Variants in VPS13B observed in about 807,000 individuals in gnomAD.
VPS13B encodes the protein intermembrane lipid transfer protein VPS13B.
VPS13B carries 285 observed loss-of-function variants against 426.4 expected under a neutral mutation model. The ratio of observed to expected loss-of-function variants is 0.67; its 90% CI spans 0.61 to 0.74. The LOEUF (loss-of-function observed/expected upper bound fraction) is 0.74, where lower values mean the gene tolerates loss of function less well. Ranked by LOEUF, VPS13B falls within the 30% of genes least tolerant of loss-of-function variation. VPS13B has a pLI of 0.00. For missense variants in VPS13B, 4,537 were observed against 4,782.6 expected, an observed-to-expected ratio of 0.95 and a Z score of 1.51; for synonymous variants, 1,676 against 1,676.4, an observed-to-expected ratio of 1.00 and a Z score of 0.01.
chr8:99,784,275 AATCCG>A, intron 42 of VPS13B, 35 bp from the exon 43 acceptor site: 1 of 1,613,234 alleles, frequency 6.2e-7, no homozygotes, highest in Non-Finnish European at 8.5e-7. Flanking sequence ...TCTTACAATT[AATCCG>A]ATCCATGTTG....
At position 99,188,694 on chromosome 8, in the gene VPS13B, C is replaced by T. The variant is rs546526620; in HGVS notation, c.2334-4182C>T. Among the ~76,000 whole-genome samples, 3 of 152,216 alleles carry T rather than the reference C, an allele frequency of 2.0e-5. No homozygotes were observed. In the East Asian group the frequency reaches 5.8e-4, roughly 29 times the overall value. ...TAACTATACCTCTGTGCGTGATGTT[C>T]CAATTTCTACCTATTCAGGCCATAC... On this transcript the variant is annotated intron_variant, in intron 16 of 61. Transcript: ENST00000357162.
chr8:99,750,038 T>A (rs1050954506), intron 39 of VPS13B, among the ~76,000 whole-genome samples: 1 of 152,182 alleles, frequency 6.6e-6, no homozygotes, highest in Non-Finnish European at 1.5e-5. Context: ...ATCTATTTTT[T>A]AAAAAGAGAC....
chr8:99,706,865 A>G (rs1164746534), intron 36 of VPS13B, among the ~76,000 whole-genome samples: 1 of 152,146 alleles, frequency 6.6e-6, no homozygotes, highest in African/African-American at 2.4e-5. Flanking sequence ...GTAAATCTCT[A>G]TCCCCCACTC....
intron 19 of VPS13B, among the ~76,000 whole-genome samples, chr8:99,286,731 T>C (rs1024485077): frequency 6.6e-6 from 1 of 152,160 alleles, no homozygotes; most frequent in African/African-American, 2.4e-5. Context: ...ACAAGTTATT[T>C]CCTAAGAGGC....
intron 59 of VPS13B, 54 bp downstream of exon 59, chr8:99,868,519 T>G: frequency 6.4e-7 from 1 of 1,558,356 alleles, no homozygotes; most frequent in Non-Finnish European, 8.7e-7. Flanking sequence ...ATTTGCATGC[T>G]TATACCAAGG....
chr8:99,832,341 A>ATTTT lies in VPS13B; in HGVS notation c.9331-6_9331-3dup, dbSNP rs370235149. ...TTACTGTAGCTAATGTGCTCTCTGC[A>ATTTT]TTTTTTTTTTTTTTTTTTTTTTTTT... On this transcript the variant is annotated intron_variant, in intron 51 of 61. Coordinates refer to ENST00000357162, the MANE Select transcript of VPS13B (RefSeq NM_152564.5). 14,972 of 1,173,598 alleles carry ATTTT rather than the reference A, an allele frequency of 0.013. 204 individuals are homozygous for ATTTT. Among genetic ancestry groups the ATTTT allele is most frequent in the Admixed American group, 0.052 (1,378 of 26,562 alleles). 72.7% of individuals were successfully genotyped at this position (1,173,598 alleles called of 1,614,324 possible).
chr8:99,570,033 ACAT>A (rs1267009613), intron 31 of VPS13B, among the ~76,000 whole-genome samples: 1 of 152,200 alleles, frequency 6.6e-6, no homozygotes, highest in Admixed American at 6.5e-5. Context: ...TTATTGGAGT[ACAT>A]CAGCGAATTA....
At chr8:99,139,258 T>C (rs1048391464) in intron 12 of VPS13B, among the ~76,000 whole-genome samples, 3 of 152,110 alleles carry the variant, frequency 2.0e-5, no homozygotes, top group Non-Finnish European at 2.9e-5. Context: ...ATTGCTGTTT[T>C]GAGATTCATG....
intron 58 of VPS13B, among the ~76,000 whole-genome samples, chr8:99,866,729 A>G (rs573192619): frequency 6.6e-6 from 1 of 152,226 alleles, no homozygotes; most frequent in Non-Finnish European, 1.5e-5. Flanking sequence ...TCACTTTGAT[A>G]ATCTGCTGAG....
chr8:99,126,683 T>C (rs1848195195), intron 8 of VPS13B, among the ~76,000 whole-genome samples: 1 of 152,242 alleles, frequency 6.6e-6, no homozygotes, highest in South Asian at 2.1e-4. Flanking sequence ...TAATGGGTCT[T>C]ACAGTCTGTT....
chr8:99,436,647 T>G (rs1188320357), intron 22 of VPS13B, among the ~76,000 whole-genome samples: 1 of 152,234 alleles, frequency 6.6e-6, no homozygotes, highest in Non-Finnish European at 1.5e-5. Flanking sequence ...CATTTCCAGA[T>G]GTTAATGTAT....
intron 35 of VPS13B, chr8:99,697,476 G>A: frequency 1.4e-6 from 1 of 735,032 alleles, no homozygotes; most frequent in Admixed American, 1.9e-5. Flanking sequence ...AGCGATGCCT[G>A]CTCTAAGCTG....
At chr8:99,562,946 G>A (rs919409061) in intron 31 of VPS13B, among the ~76,000 whole-genome samples, 19 of 152,280 alleles carry the variant, frequency 1.2e-4, no homozygotes, top group Admixed American at 1.1e-3. Context: ...CTTGAAGCCA[G>A]GAGTTTAAGA....
chr8:99,591,049 G>A (rs1193985442), intron 33 of VPS13B, among the ~76,000 whole-genome samples: 1 of 151,784 alleles, frequency 6.6e-6, no homozygotes, highest in East Asian at 1.9e-4. Flanking sequence ...ATTTAGTATA[G>A]TTAGCTCTTC....
At chr8:99,255,509 C>T (rs1299116864) in intron 17 of VPS13B, among the ~76,000 whole-genome samples, 1 of 152,156 alleles carries the variant, frequency 6.6e-6, no homozygotes, top group South Asian at 2.1e-4. Context: ...CCTGTGTTAG[C>T]TGACTTCCTC....
At chr8:99,127,806 A>G (rs1217504743) in intron 8 of VPS13B, among the ~76,000 whole-genome samples, 3 of 152,180 alleles carry the variant, frequency 2.0e-5, no homozygotes, top group African/African-American at 7.2e-5. Context: ...GTTGATGTGA[A>G]TATCATTTTA....
intron 40 of VPS13B, among the ~76,000 whole-genome samples, chr8:99,767,337 T>C (rs1041443089): frequency 2.0e-5 from 3 of 151,822 alleles, no homozygotes; most frequent in Non-Finnish European, 4.4e-5. Flanking sequence ...TCATAATCAA[T>C]ATGTGTAATG....
At chr8:99,627,087 A>C (rs1828645830) in intron 33 of VPS13B, among the ~76,000 whole-genome samples, 1 of 152,178 alleles carries the variant, frequency 6.6e-6, no homozygotes, top group Non-Finnish European at 1.5e-5. Context: ...AGAAAGTAGA[A>C]TGATTGATTA....
intron 15 of VPS13B, among the ~76,000 whole-genome samples, chr8:99,159,125 TC>T (rs1554646688): frequency 6.6e-6 from 1 of 152,184 alleles, no homozygotes; most frequent in Non-Finnish European, 1.5e-5. Flanking sequence ...GTTCAAGGCT[TC>T]CATGGAGGAA....
Sources: allele counts gnomAD v4.1 joint callset (sites outside exome capture counted in the v4.1 genomes callset), GRCh38; gene constraint gnomAD v4.1.1; transcripts MANE v1.5; gene names NCBI Gene and HGNC (gene_info 2026-07-23, HGNC 2026-07-21).